The following ZNF131 variants were observed in gnomAD, a reference collection of about 807,000 sequenced individuals.
The protein encoded by ZNF131 is zinc finger protein 131.
In ZNF131, 7 loss-of-function variants were observed where a neutral mutation model predicts 60.0. That is an observed-to-expected ratio of 0.12 (90% confidence interval 0.07 to 0.22). The LOEUF is 0.22. Among genes scored for constraint, ZNF131 ranks in the 10% least tolerant of loss-of-function variants. The pLI, the probability that ZNF131 is intolerant of heterozygous loss-of-function variation, is 1.00. For synonymous variants in ZNF131, 257 were observed against 253.2 expected, an observed-to-expected ratio of 1.01 and a Z score of -0.14; for missense variants, 493 against 740.9, an observed-to-expected ratio of 0.67 and a Z score of 3.88.
intron 3 of ZNF131, among the ~76,000 whole-genome samples, chr5:43,136,967 T>A (rs1746196611): frequency 6.6e-6 from 1 of 152,098 alleles, no homozygotes; most frequent in Admixed American, 6.6e-5. Context: ...AAGGAAGGAA[T>A]GTTTTCTGCA....
At chr5:43,153,238 A>G (rs993531885) in intron 4 of ZNF131, among the ~76,000 whole-genome samples, 5 of 152,164 alleles carry the variant, frequency 3.3e-5, no homozygotes, top group African/African-American at 1.2e-4. Flanking sequence ...ATGAAGTTCG[A>G]ATTTCCTAAC....
intron 3 of ZNF131, among the ~76,000 whole-genome samples, chr5:43,136,511 T>G (rs1746118791): frequency 8.2e-6 from 1 of 121,882 alleles, no homozygotes; most frequent in African/African-American, 2.9e-5. Flanking sequence ...TTTTTTGAGG[T>G]AGTCTTACTG....
Position 43,166,640 on chromosome 5 carries a change from C to T in ZNF131, c.1054+4709C>T, listed in dbSNP as rs111557533. The stretch of plus-strand genomic sequence containing the variant: ...CTCCCAAAGTGCTGGATTACAGGCA[C>T]GAGCCACCATGCCCAGCCGTGACCC... On this transcript the variant is annotated intron_variant, in intron 5 of 6. Transcript: ENST00000682664. 4.8e-3 allele frequency among the ~76,000 whole-genome samples: 715 copies of T among 149,406 alleles called. 5 individuals are homozygous for T. The highest frequency in any genetic ancestry group is 0.017 in the African/African-American group (694 of 40,460).
At chr5:43,143,415 TG>T in intron 4 of ZNF131, 1 of 1,419,426 alleles carries the variant, frequency 7.0e-7, no homozygotes, top group Non-Finnish European at 9.2e-7. Context: ...TCAAAAGCAG[TG>T]ATCTGCTTCT....
At chr5:43,137,083 G>C (rs570155674) in intron 3 of ZNF131, among the ~76,000 whole-genome samples, 2 of 152,104 alleles carry the variant, frequency 1.3e-5, no homozygotes, top group South Asian at 4.1e-4. Context: ...TGGAGACTTA[G>C]ACATAAGACC....
intron 4 of ZNF131, among the ~76,000 whole-genome samples, chr5:43,147,566 T>C (rs71590637): frequency 0.088 from 13,312 of 150,990 alleles, 785 homozygotes; most frequent in East Asian, 0.19. Flanking sequence ...TACAGGCGCC[T>C]GCCACCACAC....
At chr5:43,150,517 C>T (rs1009760644) in intron 4 of ZNF131, among the ~76,000 whole-genome samples, 16 of 151,762 alleles carry the variant, frequency 1.1e-4, no homozygotes, top group African/African-American at 3.1e-4. Flanking sequence ...TGGCTGGGTG[C>T]GGTGGCTCAT....
chr5:43,173,206 C>T (rs992422841), intron 5 of ZNF131, 112 bp from the exon 6 acceptor site: 2 of 1,126,186 alleles, frequency 1.8e-6, no homozygotes, highest in Non-Finnish European at 2.4e-6. Context: ...GTGATTTCTC[C>T]TTTTAGGAAT....
chr5:43,164,038 T>C (rs931707273), intron 5 of ZNF131, among the ~76,000 whole-genome samples: 12 of 152,218 alleles, frequency 7.9e-5, no homozygotes, highest in African/African-American at 2.9e-4. Flanking sequence ...TAAAAGTCTT[T>C]AAGGTACTTA....
chr5:43,173,472 G>T (rs755769023), intron 6 of ZNF131, 24 bp downstream of exon 6: 1 of 1,601,734 alleles, frequency 6.2e-7, no homozygotes, highest in African/African-American at 1.3e-5. Context: ...CATACATTCA[G>T]TTCTTAACAA....
chr5:43,123,665 C>G, intron 3 of ZNF131: 1 of 176,848 alleles, frequency 5.7e-6, no homozygotes, highest in Admixed American at 5.9e-5. Context: ...TTTCAGACTG[C>G]TGGAGATGCT....
intron 4 of ZNF131, among the ~76,000 whole-genome samples, chr5:43,146,019 A>G (rs1472577576): frequency 6.6e-6 from 1 of 152,188 alleles, no homozygotes; most frequent in African/African-American, 2.4e-5. Flanking sequence ...TTTGTCATCA[A>G]AGGAGTGACC....
At position 43,162,969 on chromosome 5, in the gene ZNF131, C is replaced by CTTTTTTTTTTTTTTTTTTT. The variant is rs1205635519; in HGVS notation, c.1054+1056_1054+1057insTTTTTTTTTTTTTTTTTTT. 5.4e-4 allele frequency among the ~76,000 whole-genome samples: 35 copies of CTTTTTTTTTTTTTTTTTTT among 64,924 alleles called. 5 individuals are homozygous for CTTTTTTTTTTTTTTTTTTT. The highest frequency in any genetic ancestry group is 2.3e-3 in the South Asian group (3 of 1,292). The allele number at this position is 64,924 out of a possible 152,430, so 42.6% of individuals were successfully genotyped here. A position where few individuals can be genotyped will look rare whatever the true frequency, so the allele number is the denominator to read the frequency against. On this transcript the variant is annotated intron_variant, in intron 5 of 6. Transcript: ENST00000682664. ...TTTATACTTCTTTTCTTTTATTTGC[C>CTTTTTTTTTTTTTTTTTTT]TTTTTTTTTTTTTTTTTTGGCAGAT...
intron 4 of ZNF131, among the ~76,000 whole-genome samples, chr5:43,140,582 C>T (rs1219138895): frequency 2.6e-5 from 4 of 152,204 alleles, no homozygotes; most frequent in African/African-American, 7.2e-5. Flanking sequence ...TTTCTCAATA[C>T]AGATCATTGG....
At chr5:43,173,629 G>A (rs374778436) in intron 6 of ZNF131, among the ~76,000 whole-genome samples, 181 bp downstream of exon 6, 3 of 152,086 alleles carry the variant, frequency 2.0e-5, no homozygotes, top group South Asian at 4.2e-4. Flanking sequence ...AACCCTAGAT[G>A]ACACCAATGT....
intron 3 of ZNF131, among the ~76,000 whole-genome samples, chr5:43,134,108 T>C (rs1745709820): frequency 6.6e-6 from 1 of 152,096 alleles, no homozygotes; most frequent in African/African-American, 2.4e-5. Flanking sequence ...TTGATGAATA[T>C]AGATGCAAAA....
At chr5:43,140,345 G>A (rs1011572061) in intron 4 of ZNF131, among the ~76,000 whole-genome samples, 1 of 152,170 alleles carries the variant, frequency 6.6e-6, no homozygotes, top group Non-Finnish European at 1.5e-5. Flanking sequence ...AGTTTCCCTG[G>A]GTTAACATCC....
intron 4 of ZNF131, among the ~76,000 whole-genome samples, chr5:43,155,089 T>C (rs999656564): frequency 3.9e-5 from 6 of 152,304 alleles, no homozygotes; most frequent in Non-Finnish European, 8.8e-5. Flanking sequence ...CACCGTCAAA[T>C]TTCAGCTTAG....
intron 4 of ZNF131, among the ~76,000 whole-genome samples, chr5:43,151,041 T>C (rs1349078371): frequency 6.6e-6 from 1 of 152,178 alleles, no homozygotes; most frequent in African/African-American, 2.4e-5. Context: ...AGTCTAAGTA[T>C]AGCAAGATGC....
Sources: allele counts gnomAD v4.1 joint callset (sites outside exome capture counted in the v4.1 genomes callset), GRCh38; gene constraint gnomAD v4.1.1; transcripts MANE v1.5; gene names NCBI Gene and HGNC (gene_info 2026-07-23, HGNC 2026-07-21).